MACROD2: variants seen among roughly 807,000 people sequenced by gnomAD.
MACROD2 encodes the protein mono-ADP ribosylhydrolase 2, also known as ADP-ribose glycohydrolase MACROD2.
MACROD2 carries 36 observed loss-of-function variants against 70.4 expected under a neutral mutation model. That is an observed-to-expected ratio of 0.51 (90% CI 0.39 to 0.68). The LOEUF is 0.68. Ranked by LOEUF, MACROD2 falls within the 30% of genes least tolerant of loss-of-function variation. The pLI, the probability that MACROD2 is intolerant of heterozygous loss-of-function variation, is 0.00. For missense variants in MACROD2, 496 were observed against 538.4 expected, an observed-to-expected ratio of 0.92 and a Z score of 0.78; for synonymous variants, 172 against 178.8, an observed-to-expected ratio of 0.96 and a Z score of 0.30.
intron 3 of MACROD2, among the ~76,000 whole-genome samples, chr20:14,290,726 C>G (rs368371535): frequency 1.3e-5 from 2 of 152,290 alleles, no homozygotes; most frequent in East Asian, 3.9e-4. Context: ...TCAGCCTGGT[C>G]TCGAACTCCC....
intron 11 of MACROD2, among the ~76,000 whole-genome samples, chr20:15,933,758 T>C (rs938302186): frequency 1.7e-4 from 26 of 152,156 alleles, no homozygotes; most frequent in African/African-American, 6.0e-4. Flanking sequence ...TTTAGTGTAT[T>C]GCATTAAATT....
intron 5 of MACROD2, among the ~76,000 whole-genome samples, chr20:15,088,451 A>ATAT (rs1448379757): frequency 1.1e-5 from 1 of 88,324 alleles, no homozygotes; most frequent in African/African-American, 4.8e-5. Flanking sequence ...ATATATATAT[A>ATAT]ATATTTTGTG....
intron 5 of MACROD2, among the ~76,000 whole-genome samples, chr20:14,813,076 T>A (rs1343391969): frequency 6.6e-6 from 1 of 152,118 alleles, no homozygotes; most frequent in African/African-American, 2.4e-5. Flanking sequence ...TGTTTTTTTT[T>A]ACAGAGTTGA....
intron 3 of MACROD2, among the ~76,000 whole-genome samples, chr20:14,481,923 C>A (rs189950419): frequency 6.6e-6 from 1 of 152,232 alleles, no homozygotes; most frequent in African/African-American, 2.4e-5. Flanking sequence ...TCTTCAGGAT[C>A]TATTTGTATA....
chr20:15,351,150 T>G (rs2423946), intron 6 of MACROD2, among the ~76,000 whole-genome samples: 101,602 of 151,148 alleles, frequency 0.67, 34,885 homozygotes, highest in African/African-American at 0.81. Flanking sequence ...GGGGAAGATG[T>G]TAATAAGTTA....
At chr20:14,541,754 T>G (rs1190123302) in intron 4 of MACROD2, among the ~76,000 whole-genome samples, 3 of 152,160 alleles carry the variant, frequency 2.0e-5, no homozygotes, top group Admixed American at 6.5e-5. Flanking sequence ...ACTGTTTACT[T>G]TTGGTTTTTA....
At chr20:14,232,333 G>A (rs1172064673) in intron 3 of MACROD2, among the ~76,000 whole-genome samples, 1 of 152,172 alleles carries the variant, frequency 6.6e-6, no homozygotes, top group Non-Finnish European at 1.5e-5. Flanking sequence ...TTGACTCTTC[G>A]AAGCTAAGTA....
chr20:14,919,162 T>C (rs1416428193), intron 5 of MACROD2, among the ~76,000 whole-genome samples: 3 of 152,174 alleles, frequency 2.0e-5, no homozygotes, highest in Admixed American at 6.5e-5. Context: ...TCAAGGCTTG[T>C]CCATCTGGAA....
intron 5 of MACROD2, among the ~76,000 whole-genome samples, chr20:14,986,797 C>T (rs545962140): frequency 1.3e-5 from 2 of 152,278 alleles, no homozygotes; most frequent in Admixed American, 6.5e-5. Context: ...GCCTTCTCTC[C>T]CCGTCACCTC....
At chr20:15,618,879 C>T (rs2049082138) in intron 8 of MACROD2, among the ~76,000 whole-genome samples, 1 of 152,172 alleles carries the variant, frequency 6.6e-6, no homozygotes, top group South Asian at 2.1e-4. Context: ...TTATTCAAAT[C>T]AGTTTTGCCC....
At chr20:15,623,682 A>ATCTATCTG (rs1248680449) in intron 8 of MACROD2, among the ~76,000 whole-genome samples, 5 of 116,090 alleles carry the variant, frequency 4.3e-5, no homozygotes, top group African/African-American at 1.4e-4. Context: ...TTATCTGCCT[A>ATCTATCTG]TCTATCTATC....
intron 6 of MACROD2, among the ~76,000 whole-genome samples, chr20:15,395,293 T>C (rs1038265430): frequency 1.3e-5 from 2 of 152,208 alleles, no homozygotes; most frequent in Admixed American, 1.3e-4. Context: ...TGTGGTCCAT[T>C]ATTTAGGAAC....
chr20:14,243,559 C>T lies in MACROD2; in HGVS notation c.271+157831C>T, dbSNP rs537068428. 8.6e-4 allele frequency among the ~76,000 whole-genome samples: 131 copies of T among 152,164 alleles called. 1 individual carries two copies. The highest frequency in any genetic ancestry group is 3.0e-3 in the African/African-American group (123 of 41,512). ...GATACACATTCTTGTATTGCCTGTACGGAAAACACAGCTCCGTTATTCACT... is the reference window on the plus strand; with the variant it reads ...GATACACATTCTTGTATTGCCTGTATGGAAAACACAGCTCCGTTATTCACT... On this transcript the variant is annotated intron_variant, in intron 3 of 17. Transcript: ENST00000684519.
chr20:15,739,585 G>A (rs531994284), intron 8 of MACROD2, among the ~76,000 whole-genome samples: 4 of 152,164 alleles, frequency 2.6e-5, no homozygotes, highest in Non-Finnish European at 5.9e-5. Context: ...TACCCTTGAA[G>A]TTAATCTTAG....
At position 14,810,383 on chromosome 20, in the gene MACROD2, T is replaced by C. The variant is rs945118513; in HGVS notation, c.418+125424T>C. ...ATACAGGAAAAGCCTTTGATAAAATTCAACACCCCTTCATGCTAAAAACTC... is the reference window on the plus strand; with the variant it reads ...ATACAGGAAAAGCCTTTGATAAAATCCAACACCCCTTCATGCTAAAAACTC... On this transcript the variant is annotated intron_variant, in intron 5 of 17. Coordinates refer to ENST00000684519, the MANE Select transcript of MACROD2 (RefSeq NM_001351661.2). Among the ~76,000 whole-genome samples, 7 of 152,076 alleles carry C rather than the reference T, an allele frequency of 4.6e-5. No individual in the cohort carries two copies. The East Asian group carries it at 1.3e-3, about 29-fold the overall frequency.
At chr20:15,006,964 A>G (rs1275196534) in intron 5 of MACROD2, among the ~76,000 whole-genome samples, 2 of 152,160 alleles carry the variant, frequency 1.3e-5, no homozygotes, top group Non-Finnish European at 2.9e-5. Context: ...AAATGAACAT[A>G]AAGTCTAAGG....
chr20:14,977,301 T>G (rs958988788), intron 5 of MACROD2, among the ~76,000 whole-genome samples: 4 of 134,632 alleles, frequency 3.0e-5, no homozygotes, highest in African/African-American at 1.0e-4. Context: ...ACCTTGATTT[T>G]TTTTTTTTTT....
intron 5 of MACROD2, among the ~76,000 whole-genome samples, chr20:14,930,119 G>A (rs758692848): frequency 7.3e-5 from 10 of 137,192 alleles, no homozygotes; most frequent in African/African-American, 2.4e-4. Flanking sequence ...CCGAGATTGC[G>A]CCACTGCACT....
intron 2 of MACROD2, among the ~76,000 whole-genome samples, chr20:14,007,367 CCCTT>C (rs2052838015): frequency 6.6e-6 from 1 of 151,888 alleles, no homozygotes; most frequent in Non-Finnish European, 1.5e-5. Flanking sequence ...TTCAATTTGC[CCCTT>C]CCTTCTCTCC....
Sources: gnomAD v4.1 joint callset for allele counts (sites outside exome capture counted in the v4.1 genomes callset) on GRCh38, gnomAD v4.1.1 for gene constraint, MANE v1.5 for transcripts, NCBI Gene and HGNC (gene_info 2026-07-23, HGNC 2026-07-21) for gene names.